Variants in SLC7A2 observed in about 807,000 individuals in gnomAD.
SLC7A2 encodes the protein solute carrier family 7 member 2.
Under a neutral mutation model 58.9 loss-of-function variants are expected in SLC7A2, and 48 were observed. That is an observed-to-expected ratio of 0.82 (90% confidence interval 0.65 to 1.04). The LOEUF (loss-of-function observed/expected upper bound fraction) is 1.04. Ranked by LOEUF, SLC7A2 falls within the 50% of genes least tolerant of loss-of-function variation. SLC7A2 has a pLI of 0.00. For synonymous variants in SLC7A2, 363 were observed against 314.5 expected, an observed-to-expected ratio of 1.15 and a Z score of -1.63; for missense variants, 1,029 against 818.8, an observed-to-expected ratio of 1.26 and a Z score of -3.13.
rs144868701 is a variant in SLC7A2, at chr8:17,548,900, G to A, written c.698+57G>A. On this transcript the variant is annotated intron_variant, in intron 5 of 12. Transcript: ENST00000494857. ...TCTTGTTTAAGAAAATATTTTAAGT[G>A]GGTGTATTAGTTCATTTTTACTCTG... 27,604 of 1,399,864 alleles carry A rather than the reference G, an allele frequency of 0.02. 670 individuals carry two copies. The highest frequency in any genetic ancestry group is 0.097 in the South Asian group (7,483 of 77,268). The allele number at this position is 1,399,864 out of a possible 1,614,324, so 86.7% of individuals were successfully genotyped here. A position where few individuals can be genotyped will look rare whatever the true frequency, so the allele number is the denominator to read the frequency against.
chr8:17,557,932 G>T (rs1400170063), intron 8 of SLC7A2, among the ~76,000 whole-genome samples: 3 of 152,064 alleles, frequency 2.0e-5, no homozygotes, highest in African/African-American at 7.2e-5. Flanking sequence ...ATGTTTTTTT[G>T]TGGTTTTAAA....
At chr8:17,511,024 C>CTCACTCATAAGTCGGAGTTGA (rs1800581825) in intron 2 of SLC7A2, 1 of 152,130 alleles carries the variant, frequency 6.6e-6, no homozygotes, top group African/African-American at 2.4e-5. Flanking sequence ...AGGACATGTT[C>CTCACTCATAAGTCGGAGTTGA]TCACTCATAA....
intron 2 of SLC7A2, among the ~76,000 whole-genome samples, chr8:17,503,345 C>T (rs1390017352): frequency 8.5e-5 from 13 of 152,064 alleles, no homozygotes; most frequent in Admixed American, 4.6e-4. Flanking sequence ...CCACCGCGCC[C>T]GGCTGAAAAC....
At chr8:17,551,053 T>C (rs1284696496) in intron 6 of SLC7A2, among the ~76,000 whole-genome samples, 1 of 152,236 alleles carries the variant, frequency 6.6e-6, no homozygotes, top group Non-Finnish European at 1.5e-5. Context: ...GCCTTGATAC[T>C]TAAGGGCCTA....
At chr8:17,498,039 G>A (rs1390104299) in intron 1 of SLC7A2, among the ~76,000 whole-genome samples, 1 of 152,152 alleles carries the variant, frequency 6.6e-6, no homozygotes, top group Non-Finnish European at 1.5e-5. Flanking sequence ...AATATGCTCA[G>A]CAAAAGCCAC....
intron 2 of SLC7A2, among the ~76,000 whole-genome samples, chr8:17,505,054 A>C (rs1274607503): frequency 1.3e-5 from 2 of 152,090 alleles, no homozygotes; most frequent in East Asian, 3.9e-4. Flanking sequence ...TAAGGAAATT[A>C]AGTGATGGAA....
At chr8:17,550,920 G>A (rs1033972398) in intron 6 of SLC7A2, among the ~76,000 whole-genome samples, 11 of 152,076 alleles carry the variant, frequency 7.2e-5, no homozygotes, top group African/African-American at 1.4e-4. Flanking sequence ...CTATTTTTAC[G>A]TCATAGTGTG....
intron 2 of SLC7A2, among the ~76,000 whole-genome samples, chr8:17,529,178 T>G (rs1003964031): frequency 2.0e-5 from 3 of 152,256 alleles, no homozygotes; most frequent in Non-Finnish European, 4.4e-5. Context: ...TAGACACTTC[T>G]GCTGCACTCT....
intron 4 of SLC7A2, among the ~76,000 whole-genome samples, chr8:17,545,508 C>G (rs888725347): frequency 7.3e-6 from 1 of 136,792 alleles, no homozygotes; most frequent in Admixed American, 8.4e-5. Flanking sequence ...AGCGATTCTT[C>G]TGCCTCAGCC....
At position 17,567,576 on chromosome 8, in the gene SLC7A2, CTG is replaced by C. The variant is rs889001067; in HGVS notation, c.*2440_*2441del. 4.6e-5 allele frequency: 7 copies of C among 151,448 alleles called. No individual in the cohort carries two copies. Among genetic ancestry groups the C allele is most frequent in the Admixed American group, 1.3e-4 (2 of 15,098 alleles). 9.4% of individuals were successfully genotyped at this position (151,448 alleles called of 1,614,324 possible). On this transcript the variant is annotated 3_prime_UTR_variant, in exon 13 of 13. Coordinates refer to ENST00000494857, the MANE Select transcript of SLC7A2 (RefSeq NM_001370338.1). ...TGTTTGTATGAGTGTATATATATATCTGTGTGTGTGTATCTCTAACGTCAGTG... is the reference window on the plus strand; with the variant it reads ...TGTTTGTATGAGTGTATATATATATCTGTGTGTGTATCTCTAACGTCAGTG...
At chr8:17,494,419 C>G (rs145066869), upstream of SLC7A2, among the ~76,000 whole-genome samples, 98 of 152,266 alleles carry the variant, frequency 6.4e-4, no homozygotes, top group African/African-American at 2.3e-3. Context: ...GTTGGATTTT[C>G]TGCTTCATTC....
intron 2 of SLC7A2, among the ~76,000 whole-genome samples, chr8:17,508,336 C>T (rs1411203892): frequency 6.6e-6 from 1 of 152,128 alleles, no homozygotes; most frequent in African/African-American, 2.4e-5. Context: ...GACAAACAAC[C>T]TTATTGTTAC....
rs189893350 is a variant in SLC7A2 at position 17,514,863 on chromosome 8, A to G, written c.-23+12561A>G. Among the ~76,000 whole-genome samples, 4 of 152,298 alleles carry G rather than the reference A, an allele frequency of 2.6e-5. No homozygotes were observed. The East Asian group carries it at 7.7e-4, about 29-fold the overall frequency. On this transcript the variant is annotated intron_variant, in intron 2 of 12. Coordinates refer to ENST00000494857, the MANE Select transcript of SLC7A2 (RefSeq NM_001370338.1). ...AGTTTTACTGAAATGAGAAAGATAA[A>G]ATCTTCTCTTAGTTTAGAATATGAA...
intron 4 of SLC7A2, among the ~76,000 whole-genome samples, chr8:17,546,378 C>T (rs1380961531): frequency 1.3e-5 from 2 of 152,202 alleles, no homozygotes; most frequent in Non-Finnish European, 2.9e-5. Context: ...ATCAAAACCT[C>T]CTATGTAAAT....
chr8:17,529,361 G>GGCCAGCGAA (rs1304815969), intron 2 of SLC7A2, among the ~76,000 whole-genome samples: 1 of 101,494 alleles, frequency 9.9e-6, no homozygotes, highest in Non-Finnish European at 2.3e-5. Flanking sequence ...AGTCATTTAT[G>GGCCAGCGAA]GCCAGCGAAA....
rs1165050454 is a variant in SLC7A2, at chr8:17,565,997, G to A, written c.*851G>A. ...CCCTTTAAATTAAAAAGTGAAGATA[G>A]TCACCAGGGCCAGAAAGCTCATGGA... On this transcript the variant is annotated 3_prime_UTR_variant, in exon 13 of 13. Coordinates refer to ENST00000494857, the MANE Select transcript of SLC7A2 (RefSeq NM_001370338.1). The A allele has an allele frequency of 6.6e-6, 1 of 151,346 alleles. No individual in the cohort carries two copies. Among genetic ancestry groups the A allele is most frequent in the Non-Finnish European group, 1.5e-5 (1 of 68,036 alleles). 9.4% of individuals were successfully genotyped at this position (151,346 alleles called of 1,614,324 possible). A position where few individuals can be genotyped will look rare whatever the true frequency, so the allele number is the denominator to read the frequency against.
chr8:17,521,745 A>G (rs1265231947), intron 2 of SLC7A2, among the ~76,000 whole-genome samples: 1 of 152,200 alleles, frequency 6.6e-6, no homozygotes, highest in Non-Finnish European at 1.5e-5. Flanking sequence ...AAGCCTTGAA[A>G]ACCCAGGTCT....
chr8:17,513,070 T>C (rs955186968), intron 2 of SLC7A2, among the ~76,000 whole-genome samples: 3 of 152,254 alleles, frequency 2.0e-5, no homozygotes, highest in African/African-American at 7.2e-5. Flanking sequence ...CACCGTTTTG[T>C]AGAATGCCTT....
At chr8:17,525,523 G>C (rs1801187272) in intron 2 of SLC7A2, among the ~76,000 whole-genome samples, 2 of 152,186 alleles carry the variant, frequency 1.3e-5, no homozygotes, top group African/African-American at 2.4e-5. Flanking sequence ...TACAGATACG[G>C]GTTTGGGTGT....
Sources: gnomAD v4.1 joint callset for allele counts (sites outside exome capture counted in the v4.1 genomes callset) on GRCh38, gnomAD v4.1.1 for gene constraint, MANE v1.5 for transcripts, NCBI Gene and HGNC (gene_info 2026-07-23, HGNC 2026-07-21) for gene names.